The following TXLNB variants were observed in gnomAD, a reference collection of about 807,000 sequenced individuals.
The protein encoded by TXLNB is taxilin beta.
A neutral mutation model predicts 57.4 loss-of-function variants in TXLNB; 37 were observed. That is an observed-to-expected ratio of 0.64 (90% CI 0.50 to 0.85). TXLNB has a LOEUF of 0.85. Among genes scored for constraint, TXLNB ranks in the 40% least tolerant of loss-of-function variants. The pLI, the probability that TXLNB is intolerant of heterozygous loss-of-function variation, is 0.00. For synonymous variants in TXLNB, 302 were observed against 309.6 expected, an observed-to-expected ratio of 0.98 and a Z score of 0.26; for missense variants, 848 against 825.6, an observed-to-expected ratio of 1.03 and a Z score of -0.33.
the TXLNB span, among the ~76,000 whole-genome samples, chr6:139,208,360 A>C: frequency 6.6e-6 from 1 of 152,202 alleles, no homozygotes; most frequent in Non-Finnish European, 1.5e-5. Flanking sequence ...GAATTCTACC[A>C]GACATCTAAA....
the TXLNB span, among the ~76,000 whole-genome samples, chr6:139,315,168 A>G: frequency 1.3e-5 from 2 of 152,198 alleles, no homozygotes; most frequent in South Asian, 4.1e-4. Flanking sequence ...AGACAGCGAG[A>G]AAACCTCATT....
the TXLNB span, among the ~76,000 whole-genome samples, chr6:139,228,413 GT>G: frequency 2.0e-5 from 3 of 151,014 alleles, no homozygotes; most frequent in Non-Finnish European, 4.4e-5. Context: ...GTAATCCCAG[GT>G]ACTTGGGAGG....
At position 139,240,076 on chromosome 6, in the gene TXLNB, A is replaced by G. The variant is rs1467373834; in HGVS notation, c.*2450T>C. 6.6e-6 allele frequency: 1 copy of G among 152,446 alleles called. No individual in the cohort carries two copies. The highest frequency in any genetic ancestry group is 1.5e-5 in the Non-Finnish European group (1 of 68,040). The allele number at this position is 152,446 out of a possible 1,614,324, so 9.4% of individuals were successfully genotyped here. A position where few individuals can be genotyped will look rare whatever the true frequency, so the allele number is the denominator to read the frequency against. On this transcript the variant is annotated 3_prime_UTR_variant, in exon 10 of 10. Transcript: ENST00000358430. The stretch of plus-strand genomic sequence containing the variant: ...TACTAGAGAATTTGGGAAGAGAAGT[A>G]CCTTTTTAATAGATATATAAATTAT...
At chr6:139,271,568 C>T (rs984214553) in intron 3 of TXLNB, 2 of 152,080 alleles carry the variant, frequency 1.3e-5, no homozygotes, top group Admixed American at 6.6e-5. Context: ...TAATATATTC[C>T]AAATATTGCA....
the TXLNB span, among the ~76,000 whole-genome samples, chr6:139,193,902 C>T: frequency 9.4e-3 from 1,303 of 138,416 alleles, 19 homozygotes; most frequent in African/African-American, 0.033. Flanking sequence ...AGTGCAGTGG[C>T]GCGATCTCGG....
At chr6:139,171,382 TGCGC>T in the TXLNB span, among the ~76,000 whole-genome samples, 1 of 152,148 alleles carries the variant, frequency 6.6e-6, no homozygotes, top group Non-Finnish European at 1.5e-5. Flanking sequence ...AAATAGATAA[TGCGC>T]ACATTAGATG....
Position 139,243,231 on chromosome 6 carries a change from CTCT to C in TXLNB, c.1347_1349del (p.Glu450del). ...TGATTTTTTTGTGGAGTTCGTTTCT[CTCT>C]TCTTGTAAAGCACGGCAGAGGTTCT... is the stretch of plus-strand genomic sequence containing the variant. On this transcript the variant is annotated inframe_deletion, in exon 10 of 10. Coordinates refer to ENST00000358430, the MANE Select transcript of TXLNB (RefSeq NM_153235.4). 2.5e-6 allele frequency: 4 copies of C among 1,614,094 alleles called. No individual in the cohort carries two copies. Among genetic ancestry groups the C allele is most frequent in the East Asian group, 2.2e-5 (1 of 44,876 alleles).
At chr6:139,193,241 C>CTTTTTTTTTTTTTTTTTTTTTTTTT in the TXLNB span, among the ~76,000 whole-genome samples, 4 of 101,212 alleles carry the variant, frequency 4.0e-5, no homozygotes, top group Non-Finnish European at 7.9e-5. Context: ...CTTTGACCCT[C>CTTTTTTTTTTTTTTTTTTTTTTTTT]TTTTTTTTTT....
intron 4 of TXLNB, 71 bp downstream of exon 4, chr6:139,270,385 C>G: frequency 7.0e-7 from 1 of 1,423,116 alleles, no homozygotes. Context: ...CACACTCTTT[C>G]CATGAGTAGC....
the TXLNB span, among the ~76,000 whole-genome samples, chr6:139,319,842 A>G: frequency 7.9e-5 from 12 of 152,218 alleles, no homozygotes; most frequent in African/African-American, 2.9e-4. Flanking sequence ...TGAATTAATA[A>G]ATGACTATTT....
chr6:139,172,111 G>A, the TXLNB span, among the ~76,000 whole-genome samples: 2 of 152,120 alleles, frequency 1.3e-5, no homozygotes, highest in Non-Finnish European at 2.9e-5. Flanking sequence ...GATTATAGGC[G>A]TGAGCCACTG....
At chr6:139,274,840 G>A (rs538589041) in intron 3 of TXLNB, among the ~76,000 whole-genome samples, 3 of 152,238 alleles carry the variant, frequency 2.0e-5, no homozygotes, top group Non-Finnish European at 4.4e-5. Flanking sequence ...TTGGTAAATC[G>A]AAGGGGTAAA....
the TXLNB span, among the ~76,000 whole-genome samples, chr6:139,317,053 C>T: frequency 6.6e-6 from 1 of 151,946 alleles, no homozygotes; most frequent in Non-Finnish European, 1.5e-5. Flanking sequence ...AGAATATAAG[C>T]GATAAAGCAG....
the TXLNB span, among the ~76,000 whole-genome samples, chr6:139,162,416 A>G: frequency 6.6e-6 from 1 of 152,148 alleles, no homozygotes; most frequent in African/African-American, 2.4e-5. Context: ...TCTGCATTTT[A>G]TACAGAGGAA....
At chr6:139,323,321 C>T in the TXLNB span, among the ~76,000 whole-genome samples, 4 of 143,418 alleles carry the variant, frequency 2.8e-5, no homozygotes, top group African/African-American at 5.2e-5. Flanking sequence ...CTCGCTCTGT[C>T]GCCTAGGCTG....
chr6:139,218,863 G>A, the TXLNB span, among the ~76,000 whole-genome samples: 1 of 152,180 alleles, frequency 6.6e-6, no homozygotes, highest in African/African-American at 2.4e-5. Context: ...CAGCAGCAAT[G>A]GAACCCATGG....
intron 2 of TXLNB, chr6:139,277,157 A>G (rs1351805587): frequency 5.0e-6 from 2 of 396,458 alleles, no homozygotes; most frequent in Non-Finnish European, 8.9e-6. Context: ...CTCTCAATAA[A>G]TGTTTGCTAT....
chr6:139,224,045 C>T, the TXLNB span, among the ~76,000 whole-genome samples: 3 of 146,360 alleles, frequency 2.0e-5, no homozygotes, highest in African/African-American at 7.6e-5. Context: ...TGGAACCAAC[C>T]CAAATGTCCA....
At chr6:139,227,242 G>A in the TXLNB span, among the ~76,000 whole-genome samples, 1 of 152,104 alleles carries the variant, frequency 6.6e-6, no homozygotes, top group Non-Finnish European at 1.5e-5. Flanking sequence ...AGGAGGCTGA[G>A]GCATGAGAAT....
Sources: gnomAD v4.1 joint callset for allele counts (sites outside exome capture counted in the v4.1 genomes callset) on GRCh38, gnomAD v4.1.1 for gene constraint, MANE v1.5 for transcripts, NCBI Gene and HGNC (gene_info 2026-07-23, HGNC 2026-07-21) for gene names.